GAA: variants seen among roughly 807,000 people sequenced by gnomAD.
GAA encodes alpha glucosidase, also known as lysosomal alpha-glucosidase.
Under a neutral mutation model 103.9 loss-of-function variants are expected in GAA, and 88 were observed. That is an observed-to-expected ratio of 0.85 (90% CI 0.71 to 1.01). GAA has a LOEUF of 1.01. Among genes scored for constraint, GAA ranks in the 50% least tolerant of loss-of-function variants. GAA has a pLI of 0.00. For missense variants in GAA, 1,350 were observed against 1,305.3 expected (o/e 1.03, Z -0.53); for synonymous variants, 572 against 563.1 (o/e 1.02, Z -0.22).
chr17:80,102,625 G>A (rs139928149), intron 1 of GAA: 5 of 152,328 alleles, frequency 3.3e-5, no homozygotes, highest in East Asian at 1.9e-4. Flanking sequence ...AGGGTGGTGC[G>A]AGCAGAGAGC....
intron 5 of GAA, 95 bp from the exon 6 acceptor site, chr17:80,108,195 C>A: frequency 1.2e-6 from 2 of 1,601,566 alleles, no homozygotes; most frequent in Non-Finnish European, 1.7e-6. Context: ...GGGGAGAGAG[C>A]CTCAACTCTC....
rs1441302014 is a variant in GAA at position 80,117,693 on chromosome 17, G to C, written c.2425G>C (p.Ala809Pro). Residue 809 changes from alanine to proline, a missense_variant, in exon 17 of 20, where the codon GCC (alanine) becomes CCC (proline). By Grantham distance (27) the Ala-to-Pro change is conservative. Coordinates refer to ENST00000302262, the MANE Select transcript of GAA (RefSeq NM_000152.5). Reference protein sequence around the residue: ...HSEGQWVTLPAPLDTINVHLR... With the variant: ...HSEGQWVTLPPPLDTINVHLR... The stretch of plus-strand genomic sequence containing the variant: ...CGAGGGGCAGTGGGTGACGCTGCCG[G>C]CCCCCCTGGACACCATCAACGTCCA... 1 of 1,612,382 alleles carries C rather than the reference G, an allele frequency of 6.2e-7. No homozygotes were observed. The highest frequency in any genetic ancestry group is 8.5e-7 in the Non-Finnish European group (1 of 1,179,844).
At position 80,104,146 on chromosome 17, in the gene GAA, C is replaced by T. The variant is rs757906700; in HGVS notation, c.-32-409C>T. On this transcript the variant is annotated intron_variant, in intron 1 of 19. Coordinates refer to ENST00000302262, the MANE Select transcript of GAA (RefSeq NM_000152.5). The surrounding 1 kb of genome is among the most constrained non-coding windows in gnomAD (Gnocchi z 4.0). ...GGGTGCGGTGGTGTGTGCCTACAGT[C>T]CCAGCTACTCAGGAGGCTGAAGTGG... Among the ~76,000 whole-genome samples the T allele has an allele frequency of 2.0e-5, 3 of 152,000 alleles. No individual in the cohort carries two copies. Among genetic ancestry groups the T allele is most frequent in the Admixed American group, 2.0e-4 (3 of 15,274 alleles).
At position 80,110,826 on chromosome 17, in the gene GAA, G is replaced by C; in HGVS notation, c.1537G>C (p.Asp513His). ...VAEFHDQVPF[D>H]GMWIDMNEPS... The stretch of plus-strand genomic sequence containing the variant: ...TGAGTTCCATGACCAGGTGCCCTTC[G>C]ACGGCATGTGGATTGTAAGTGTGGC... Residue 513 changes from aspartate to histidine, a missense_variant, in exon 10 of 20, where the codon GAC (aspartate) becomes CAC (histidine). Physicochemically the swap from Asp to His is moderately conservative, Grantham distance 81. Transcript: ENST00000302262. 1.2e-6 allele frequency: 2 copies of C among 1,614,114 alleles called. No individual in the cohort carries two copies. Among genetic ancestry groups the C allele is most frequent in the South Asian group, 1.1e-5 (1 of 91,080 alleles).
rs892129065 is a variant in GAA at position 80,110,953 on chromosome 17, C to T, written c.1564C>T (p.Pro522Ser). The change falls in exon 11 of 20, where the codon CCT becomes TCT. Residue 522 changes from proline (P) to serine (S), a missense_variant. By Grantham distance (74) the Pro-to-Ser change is moderately conservative. Coordinates refer to ENST00000302262, the MANE Select transcript of GAA (RefSeq NM_000152.5). ...GCTTCTCTTGCAGGACATGAACGAG[C>T]CTTCCAACTTCATCAGGGGCTCTGA... ...FDGMWIDMNE[P>S]SNFIRGSEDG... 6.2e-6 allele frequency: 10 copies of T among 1,613,804 alleles called. No homozygotes were observed. Among genetic ancestry groups the T allele is most frequent in the Non-Finnish European group, 8.5e-6 (10 of 1,179,962 alleles).
chr17:80,109,977 G>C lies in GAA; in HGVS notation c.1359G>C (p.Gly453=). The C allele has an allele frequency of 6.2e-7, 1 of 1,613,398 alleles. No individual in the cohort carries two copies. The highest frequency in any genetic ancestry group is 8.5e-7 in the Non-Finnish European group (1 of 1,179,946). The change falls in exon 9 of 20, where the codon GGG becomes GGC. Residue 453 remains glycine (G), a synonymous_variant. Coordinates refer to ENST00000302262, the MANE Select transcript of GAA (RefSeq NM_000152.5). The stretch of plus-strand genomic sequence containing the variant: ...CCATCAGCAGCTCGGGCCCTGCCGG[G>C]AGCTACAGGCCCTACGACGAGGGTC... ...DPAISSSGPA[G]SYRPYDEGLR... is the part of the protein sequence containing the mutation.
At chr17:80,111,134 G>C in intron 11 of GAA, 109 bp downstream of exon 11, 2 of 913,840 alleles carry the variant, frequency 2.2e-6, no homozygotes, top group Non-Finnish European at 1.6e-6. Context: ...GGCCAGCGGG[G>C]AAAGGGGCGG....
chr17:80,104,794 G>C lies in GAA; in HGVS notation c.208G>C (p.Ala70Pro), dbSNP rs1481952720. 2 of 1,611,650 alleles carry C rather than the reference G, an allele frequency of 1.2e-6. No homozygotes were observed. Among genetic ancestry groups the C allele is most frequent in the Middle Eastern group, 1.6e-4 (1 of 6,082 alleles). ...ASRPGPRDAQAHPGRPRAVPT... is the reference protein window; with the variant it reads ...ASRPGPRDAQPHPGRPRAVPT... ...CAGACCAGGGCCCCGGGATGCCCAG[G>C]CACACCCCGGCCGTCCCAGAGCAGT... Residue 70 changes from alanine to proline, a missense_variant, in exon 2 of 20, where the codon GCA becomes CCA. By Grantham distance (27) the Ala-to-Pro change is conservative. Transcript: ENST00000302262. This position sits in a 1 kb window ranked among gnomAD's most constrained non-coding sequence, Gnocchi z 4.0.
rs373993015 is a variant in GAA, at chr17:80,110,780, C to T, written c.1491C>T (p.Ala497=). 5.0e-6 allele frequency: 8 copies of T among 1,614,068 alleles called. No individual in the cohort carries two copies. In the African/African-American group the frequency reaches 1.1e-4, roughly 22 times the overall value. Residue 497 remains alanine (A), a synonymous_variant, in exon 10 of 20, where the codon GCC becomes GCT. Coordinates refer to ENST00000302262, the MANE Select transcript of GAA (RefSeq NM_000152.5). ...ACTTCACCAACCCCACAGCCCTGGC[C>T]TGGTGGGAGGACATGGTGGCTGAGT... ...FPDFTNPTAL[A]WWEDMVAEFH... is the part of the protein sequence containing the mutation.
Position 80,108,342 on chromosome 17 carries a change from C to T in GAA, c.1008C>T (p.Ile336=). 1 of 1,613,688 alleles carries T rather than the reference C, an allele frequency of 6.2e-7. No individual in the cohort carries two copies. Among genetic ancestry groups the T allele is most frequent in the Non-Finnish European group, 8.5e-7 (1 of 1,180,028 alleles). Residue 336 remains isoleucine (I), a synonymous_variant, in exon 6 of 20, where the codon ATC becomes ATT. Coordinates refer to ENST00000302262, the MANE Select transcript of GAA (RefSeq NM_000152.5). The part of the protein sequence containing the change: ...PALSWRSTGG[I]LDVYIFLGPE... Reference sequence around the variant, plus strand: ...TTAGCTGGAGGTCGACAGGTGGGATCCTGGATGTCTACATCTTCCTGGGCC... The same window carrying T: ...TTAGCTGGAGGTCGACAGGTGGGATTCTGGATGTCTACATCTTCCTGGGCC...
intron 13 of GAA, 45 bp from the exon 14 acceptor site, chr17:80,112,831 C>T (rs1309074977): frequency 6.3e-7 from 1 of 1,591,784 alleles, no homozygotes; most frequent in East Asian, 2.3e-5. Flanking sequence ...CCTGAGCTGG[C>T]TCTGCTGCAG....
At chr17:80,112,822 C>T (rs1297807273) in intron 13 of GAA, 54 bp from the exon 14 acceptor site, 1 of 1,587,506 alleles carries the variant, frequency 6.3e-7, no homozygotes, top group Admixed American at 1.8e-5. Flanking sequence ...GTCACTTGGC[C>T]TGAGCTGGCT....
At chr17:80,107,075 C>T (rs914186138) in intron 3 of GAA, among the ~76,000 whole-genome samples, 10 of 152,156 alleles carry the variant, frequency 6.6e-5, no homozygotes, top group African/African-American at 2.2e-4. Context: ...GGTTTATCTG[C>T]GGCTTTCATT....
intron 1 of GAA, among the ~76,000 whole-genome samples, chr17:80,102,965 G>C (rs557776411): frequency 1.2e-4 from 18 of 152,288 alleles, no homozygotes; most frequent in African/African-American, 3.9e-4. Flanking sequence ...TTGCAGAATT[G>C]ATGGGTGTGA....
intron 3 of GAA, among the ~76,000 whole-genome samples, 195 bp downstream of exon 3, chr17:80,106,089 A>G (rs2039080423): frequency 1.3e-5 from 2 of 152,292 alleles, no homozygotes; most frequent in East Asian, 1.9e-4. Flanking sequence ...TCTAAATCCC[A>G]TGTAAACACG....
intron 2 of GAA, 94 bp from the exon 3 acceptor site, chr17:80,105,655 C>T (rs2039064943): frequency 2.1e-6 from 3 of 1,445,896 alleles, no homozygotes; most frequent in Non-Finnish European, 1.9e-6. Context: ...CCATGTGTGG[C>T]TGCACCAGGA....
At chr17:80,112,221 G>A in intron 12 of GAA, 121 bp downstream of exon 12, 6 of 995,874 alleles carry the variant, frequency 6.0e-6, no homozygotes, top group African/African-American at 1.6e-5. Flanking sequence ...GGGCCCGCTG[G>A]CGGCCCGAGT....
intron 6 of GAA, 35 bp downstream of exon 6, chr17:80,108,444 A>G: frequency 3.1e-6 from 5 of 1,613,170 alleles, no homozygotes; most frequent in Non-Finnish European, 4.2e-6. Context: ...CCCCCGCCCC[A>G]AGGCTCCCTC....
At chr17:80,107,484 G>T (rs975301817) in intron 3 of GAA, 73 bp from the exon 4 acceptor site, 3 of 1,597,438 alleles carry the variant, frequency 1.9e-6, no homozygotes, top group Non-Finnish European at 2.6e-6. Flanking sequence ...GGGCCCGGGG[G>T]TGCTCTCTGG....
Sources: gnomAD v4.1 joint callset for allele counts (sites outside exome capture counted in the v4.1 genomes callset) on GRCh38, gnomAD v4.1.1 for gene constraint, Gnocchi (gnomAD v3.1) non-coding constraint, MANE v1.5 for transcripts, NCBI Gene and HGNC (gene_info 2026-07-23, HGNC 2026-07-21) for gene names.